The following MEI4 variants were observed in gnomAD, a reference collection of about 807,000 sequenced individuals.
MEI4 encodes meiosis-specific protein MEI4.
Under a neutral mutation model 31.4 loss-of-function variants are expected in MEI4, and 27 were observed. That is an observed-to-expected ratio of 0.86 (90% CI 0.63 to 1.19). The LOEUF (loss-of-function observed/expected upper bound fraction) is 1.19, where lower values mean the gene tolerates loss of function less well. Among genes scored for constraint, MEI4 ranks in the 50% most tolerant of loss-of-function variants. MEI4 has a pLI of 0.00. For synonymous variants in MEI4, 122 were observed against 145.4 expected, an observed-to-expected ratio of 0.84 and a Z score of 1.16; for missense variants, 329 against 398.9, an observed-to-expected ratio of 0.82 and a Z score of 1.49.
At chr6:77,841,393 G>A (rs1171211101) in intron 4 of MEI4, among the ~76,000 whole-genome samples, 2 of 136,042 alleles carry the variant, frequency 1.5e-5, no homozygotes, top group Non-Finnish European at 3.0e-5. Flanking sequence ...AGGCTGGAGT[G>A]CAATGGTGTG....
intron 2 of MEI4, among the ~76,000 whole-genome samples, chr6:77,736,284 A>G (rs911754161): frequency 6.6e-6 from 1 of 151,960 alleles, no homozygotes; most frequent in African/African-American, 2.4e-5. Flanking sequence ...AGCAATCAGC[A>G]AGACTCCGTG....
At chr6:77,806,889 T>TG (rs370408224) in intron 3 of MEI4, among the ~76,000 whole-genome samples, 10 of 152,296 alleles carry the variant, frequency 6.6e-5, no homozygotes, top group African/African-American at 2.4e-4. Flanking sequence ...GTGTTGTCTA[T>TG]GGCTGCTTTT....
At chr6:77,903,855 T>C (rs1449755792) in intron 4 of MEI4, among the ~76,000 whole-genome samples, 1 of 152,176 alleles carries the variant, frequency 6.6e-6, no homozygotes, top group Non-Finnish European at 1.5e-5. Context: ...ATTTATGTTA[T>C]ATATAGTATA....
intron 2 of MEI4, among the ~76,000 whole-genome samples, chr6:77,707,081 G>A (rs1766350149): frequency 7.8e-6 from 1 of 128,590 alleles, no homozygotes. Context: ...GGAGAGCTAA[G>A]AAGAAGACAG....
At chr6:77,882,828 C>T (rs577171718) in intron 4 of MEI4, among the ~76,000 whole-genome samples, 2 of 152,008 alleles carry the variant, frequency 1.3e-5, no homozygotes, top group African/African-American at 2.4e-5. Flanking sequence ...TATATTGGGA[C>T]GTTAATTTGA....
chr6:77,827,088 C>T (rs573720542), intron 3 of MEI4, among the ~76,000 whole-genome samples: 25 of 152,148 alleles, frequency 1.6e-4, no homozygotes, highest in African/African-American at 4.8e-4. Flanking sequence ...AGGCCGGGCG[C>T]GGTGGCTCAC....
chr6:77,907,991 G>T (rs539963786), intron 4 of MEI4, among the ~76,000 whole-genome samples: 1 of 127,068 alleles, frequency 7.9e-6, no homozygotes, highest in South Asian at 2.3e-4. Context: ...CTTGTTGATG[G>T]GGTTTTTTTT....
intron 1 of MEI4, among the ~76,000 whole-genome samples, chr6:77,680,992 G>A (rs1768946624): frequency 6.6e-6 from 1 of 152,146 alleles, no homozygotes; most frequent in African/African-American, 2.4e-5. Flanking sequence ...AAAAAAATCA[G>A]TTTCCTAATT....
chr6:77,883,872 C>G (rs1412566283), intron 4 of MEI4, among the ~76,000 whole-genome samples: 1 of 150,948 alleles, frequency 6.6e-6, no homozygotes, highest in Non-Finnish European at 1.5e-5. Flanking sequence ...TTTCCTTTCT[C>G]GGATAAATAC....
chr6:77,892,941 C>A (rs1766000083), intron 4 of MEI4, among the ~76,000 whole-genome samples: 1 of 151,404 alleles, frequency 6.6e-6, no homozygotes, highest in African/African-American at 2.4e-5. Flanking sequence ...ATGCTAGTCT[C>A]AGGGCCCACA....
intron 2 of MEI4, among the ~76,000 whole-genome samples, chr6:77,699,630 G>C (rs563075946): frequency 6.6e-6 from 1 of 152,192 alleles, no homozygotes; most frequent in Non-Finnish European, 1.5e-5. Context: ...GAGGAGCTGT[G>C]TTCCTTTGGA....
intron 2 of MEI4, among the ~76,000 whole-genome samples, chr6:77,734,219 C>T (rs1041995757): frequency 6.6e-6 from 1 of 151,966 alleles, no homozygotes; most frequent in Non-Finnish European, 1.5e-5. Context: ...CTAATGTTGA[C>T]AGTGCGGTGT....
At chr6:77,778,233 A>G (rs1409184808) in intron 3 of MEI4, among the ~76,000 whole-genome samples, 1 of 152,126 alleles carries the variant, frequency 6.6e-6, no homozygotes, top group Non-Finnish European at 1.5e-5. Flanking sequence ...GTAGGCATCC[A>G]TAGTAGAAAA....
chr6:77,686,598 TATATG>T (rs1486642471), intron 1 of MEI4, among the ~76,000 whole-genome samples: 1 of 152,152 alleles, frequency 6.6e-6, no homozygotes, highest in Non-Finnish European at 1.5e-5. Context: ...TTAGTTGAGT[TATATG>T]ATATATCACA....
intron 1 of MEI4, among the ~76,000 whole-genome samples, chr6:77,677,532 C>T (rs1164977249): frequency 2.6e-5 from 4 of 152,176 alleles, no homozygotes; most frequent in Non-Finnish European, 5.9e-5. Flanking sequence ...TCAGTTATGT[C>T]TTTTCTGTCC....
intron 2 of MEI4, among the ~76,000 whole-genome samples, chr6:77,701,081 C>T (rs6917960): frequency 0.14 from 22,008 of 152,068 alleles, 1,646 homozygotes; most frequent in Middle Eastern, 0.21. Flanking sequence ...AGAGAACATA[C>T]GAGTGAAAAG....
chr6:77,909,060 GCAC>G (rs1391636511), intron 4 of MEI4, among the ~76,000 whole-genome samples: 2 of 152,074 alleles, frequency 1.3e-5, no homozygotes, highest in Middle Eastern at 3.2e-3. Flanking sequence ...ATTCTTTTCA[GCAC>G]CACACCACAC....
At chr6:77,802,098 G>T (rs1426421903) in intron 3 of MEI4, among the ~76,000 whole-genome samples, 3 of 152,068 alleles carry the variant, frequency 2.0e-5, no homozygotes, top group Non-Finnish European at 1.5e-5. Context: ...TTATTGTATG[G>T]GAGTCTAAGT....
At chr6:77,914,842 G>T (rs542823719) in intron 4 of MEI4, among the ~76,000 whole-genome samples, 8 of 151,568 alleles carry the variant, frequency 5.3e-5, no homozygotes, top group East Asian at 3.9e-4. Context: ...ACTTTTTTTT[G>T]ACTTAAAGTC....
Sources: allele counts gnomAD v4.1 joint callset (sites outside exome capture counted in the v4.1 genomes callset), GRCh38; gene constraint gnomAD v4.1.1; transcripts MANE v1.5; gene names NCBI Gene and HGNC (gene_info 2026-07-23, HGNC 2026-07-21).